Variants in DIP2C observed in about 807,000 individuals in gnomAD.
DIP2C encodes disco-interacting protein 2 homolog C.
A neutral mutation model predicts 192.4 loss-of-function variants in DIP2C; 33 were observed. The observed-to-expected ratio is 0.17, with a 90% CI of 0.13 to 0.23. DIP2C has a LOEUF of 0.23. Ranked by LOEUF, DIP2C falls within the 10% of genes least tolerant of loss-of-function variation. The probability of loss-of-function intolerance (pLI) is 1.00; values close to 1 mark genes in which losing one functional copy is unlikely to be tolerated. For synonymous variants in DIP2C, 979 were observed against 864.1 expected (o/e 1.13, Z -2.33); for missense variants, 1,537 against 2,110.1 (o/e 0.73, Z 5.32).
At chr10:551,510 T>A (rs567106941) in intron 1 of DIP2C, among the ~76,000 whole-genome samples, 1 of 152,098 alleles carries the variant, frequency 6.6e-6, no homozygotes, top group Non-Finnish European at 1.5e-5. Flanking sequence ...AAGCCCTTCC[T>A]GGCTCAAGAG....
chr10:576,197 C>T (rs143177587), intron 1 of DIP2C, among the ~76,000 whole-genome samples: 4 of 152,330 alleles, frequency 2.6e-5, no homozygotes, highest in African/African-American at 9.6e-5. Context: ...TAAATGGTAT[C>T]AGTGGGGTTC....
intron 32 of DIP2C, among the ~76,000 whole-genome samples, chr10:309,702 G>A (rs1443647980): frequency 6.6e-6 from 1 of 152,010 alleles, no homozygotes; most frequent in East Asian, 1.9e-4. Context: ...GGGATGACAA[G>A]TGCCCGCCAC....
At chr10:463,412 A>C (rs1407922828) in intron 3 of DIP2C, among the ~76,000 whole-genome samples, 1 of 152,206 alleles carries the variant, frequency 6.6e-6, no homozygotes, top group East Asian at 1.9e-4. Flanking sequence ...CAAAGAGAAT[A>C]AAATACCTAG....
intron 31 of DIP2C, among the ~76,000 whole-genome samples, chr10:317,816 G>A (rs554796991): frequency 6.6e-6 from 1 of 152,320 alleles, no homozygotes; most frequent in South Asian, 2.1e-4. Flanking sequence ...GTCCATCAGT[G>A]CCTAGGGCAC....
intron 30 of DIP2C, among the ~76,000 whole-genome samples, chr10:328,367 A>C (rs1225261273): frequency 6.6e-6 from 1 of 152,206 alleles, no homozygotes; most frequent in African/African-American, 2.4e-5. Flanking sequence ...AAGGTTGCTT[A>C]ATTTCTCTAT....
chr10:553,041 A>G (rs1848662375), intron 1 of DIP2C, among the ~76,000 whole-genome samples: 1 of 152,090 alleles, frequency 6.6e-6, no homozygotes, highest in African/African-American at 2.4e-5. Flanking sequence ...ATAAATTTCT[A>G]TTTTGCCTCC....
intron 1 of DIP2C, among the ~76,000 whole-genome samples, chr10:596,583 T>C (rs1851721138): frequency 6.7e-6 from 1 of 148,660 alleles, no homozygotes; most frequent in Non-Finnish European, 1.5e-5. Flanking sequence ...ATCCTATAGG[T>C]ACTTATTCAG....
intron 32 of DIP2C, among the ~76,000 whole-genome samples, chr10:303,447 C>T (rs1226644086): frequency 6.6e-6 from 1 of 152,140 alleles, no homozygotes; most frequent in Non-Finnish European, 1.5e-5. Flanking sequence ...CTTATAAAAA[C>T]AGATTAAAAC....
rs367931389 is a variant in DIP2C at position 344,799 on chromosome 10, C to A, written c.3453+10G>T. On this transcript the variant is annotated intron_variant, in intron 28 of 36. Coordinates refer to ENST00000280886, the MANE Select transcript of DIP2C (RefSeq NM_014974.3). ...CCTCCATGGCCACCGCCCGCAGCCA[C>A]CCCCCTCACCTTTACGCCAGCTAGC... 6.4e-6 allele frequency: 10 copies of A among 1,573,994 alleles called. No homozygotes were observed. Among genetic ancestry groups the A allele is most frequent in the Non-Finnish European group, 8.6e-6 (10 of 1,159,906 alleles).
At chr10:345,488 C>A (rs932524445) in intron 26 of DIP2C, among the ~76,000 whole-genome samples, 4 of 149,526 alleles carry the variant, frequency 2.7e-5, no homozygotes, top group African/African-American at 7.4e-5. Context: ...AGGCACATCG[C>A]GCACAGTTCT....
At chr10:344,723 G>T (rs1266094359) in intron 28 of DIP2C, 86 bp downstream of exon 28, 1 of 1,102,420 alleles carries the variant, frequency 9.1e-7, no homozygotes. Flanking sequence ...CTACACGAGA[G>T]GCGCTGAGAG....
At chr10:299,752 G>A (rs1331675949) in intron 32 of DIP2C, among the ~76,000 whole-genome samples, 3 of 152,014 alleles carry the variant, frequency 2.0e-5, no homozygotes, top group African/African-American at 7.2e-5. Flanking sequence ...TCTGTTAAGG[G>A]GCTAATATCC....
intron 28 of DIP2C, among the ~76,000 whole-genome samples, chr10:343,397 G>A (rs1461369753): frequency 6.6e-6 from 1 of 152,162 alleles, no homozygotes; most frequent in African/African-American, 2.4e-5. Context: ...CAAATGCCTG[G>A]CTCCCCATCA....
chr10:302,952 C>T (rs957590461), intron 32 of DIP2C, among the ~76,000 whole-genome samples: 5 of 151,672 alleles, frequency 3.3e-5, no homozygotes, highest in East Asian at 2.0e-4. Context: ...TCACCTCACA[C>T]GGCTGTAGAT....
At chr10:576,757 A>G (rs1182977418) in intron 1 of DIP2C, among the ~76,000 whole-genome samples, 3 of 152,172 alleles carry the variant, frequency 2.0e-5, no homozygotes, top group South Asian at 2.1e-4. Flanking sequence ...AAAATAAAAA[A>G]TTAGCCAGGC....
chr10:447,581 A>G (rs1409549253), intron 3 of DIP2C, among the ~76,000 whole-genome samples: 2 of 140,502 alleles, frequency 1.4e-5, no homozygotes, highest in Non-Finnish European at 3.0e-5. Flanking sequence ...GTCGATAATC[A>G]GGATCACACA....
intron 1 of DIP2C, among the ~76,000 whole-genome samples, chr10:535,847 G>A (rs749786408): frequency 4.6e-5 from 7 of 152,208 alleles, no homozygotes; most frequent in South Asian, 2.1e-4. Flanking sequence ...CTCTTGCAGT[G>A]TACTCTGAGA....
intron 35 of DIP2C, 76 bp from the exon 36 acceptor site, chr10:281,399 A>G: frequency 1.3e-6 from 2 of 1,490,740 alleles, no homozygotes; most frequent in South Asian, 2.7e-5. Flanking sequence ...TTAAAAAAAG[A>G]TTAAAAACGA....
rs192860968 is a variant in DIP2C, at chr10:438,012, T to A, written c.394+2859A>T. Reference sequence around the variant, plus strand: ...AATAGCTGGGAGTAAAAAATTTTTATGATATTGATATTTATGATTGTACAA... The same window carrying A: ...AATAGCTGGGAGTAAAAAATTTTTAAGATATTGATATTTATGATTGTACAA... On this transcript the variant is annotated intron_variant, in intron 4 of 36. Transcript: ENST00000280886. 2.6e-4 allele frequency: 39 copies of A among 152,362 alleles called. No homozygotes were observed. In the East Asian group the frequency reaches 7.5e-3, roughly 29 times the overall value. 9.4% of individuals were successfully genotyped at this position (152,362 alleles called of 1,614,324 possible). A position where few individuals can be genotyped will look rare whatever the true frequency, so the allele number is the denominator to read the frequency against.
Sources: allele counts gnomAD v4.1 joint callset (sites outside exome capture counted in the v4.1 genomes callset), GRCh38; gene constraint gnomAD v4.1.1; transcripts MANE v1.5; gene names NCBI Gene and HGNC (gene_info 2026-07-23, HGNC 2026-07-21).